The following VPS26B variants were observed in gnomAD, a reference collection of about 807,000 sequenced individuals.
The protein encoded by VPS26B is vacuolar protein sorting-associated protein 26B.
In VPS26B, 10 loss-of-function variants were observed where a neutral mutation model predicts 33.3. The observed-to-expected ratio is 0.30, with a 90% CI of 0.19 to 0.51. The LOEUF (loss-of-function observed/expected upper bound fraction) is 0.51, where lower values mean the gene tolerates loss of function less well. Among genes scored for constraint, VPS26B ranks in the 20% least tolerant of loss-of-function variants. The pLI is 0.98. For synonymous variants in VPS26B, 190 were observed against 176.9 expected (o/e 1.07, Z -0.59); for missense variants, 317 against 452.7 (o/e 0.70, Z 2.72).
chr11:134,225,569 G>A, intron 1 of VPS26B: 1 of 565,720 alleles, frequency 1.8e-6, no homozygotes, highest in Non-Finnish European at 3.2e-6. Flanking sequence ...GGACGGCGAG[G>A]GCGGGAGGAA....
chr11:134,229,051 A>G lies in VPS26B; in HGVS notation c.223+3706A>G, dbSNP rs559203867. On this transcript the variant is annotated intron_variant, in intron 1 of 5. Transcript: ENST00000281187. Reference sequence around the variant, plus strand: ...TTTTTTATTTAAAAAATTTTTTGAGACATGGTCTCACTCCGTCACCCAGGC... The same window carrying G: ...TTTTTTATTTAAAAAATTTTTTGAGGCATGGTCTCACTCCGTCACCCAGGC... Among the ~76,000 whole-genome samples, 165 of 152,140 alleles carry G rather than the reference A, an allele frequency of 1.1e-3. 2 individuals carry two copies. Among genetic ancestry groups the G allele is most frequent in the African/African-American group, 3.8e-3 (158 of 41,492 alleles).
intron 4 of VPS26B, chr11:134,243,623 C>A: frequency 3.8e-6 from 1 of 265,934 alleles, no homozygotes; most frequent in Non-Finnish European, 7.2e-6. Flanking sequence ...TCTGCTTCTT[C>A]CTGTTGACAT....
At chr11:134,225,756 C>T (rs527309653) in intron 1 of VPS26B, among the ~76,000 whole-genome samples, 103 of 152,320 alleles carry the variant, frequency 6.8e-4, no homozygotes, top group African/African-American at 2.3e-3. Flanking sequence ...TTTCCCATCG[C>T]CCGGCCATCT....
intron 2 of VPS26B, among the ~76,000 whole-genome samples, chr11:134,239,068 G>A (rs557127143): frequency 1.3e-5 from 2 of 152,318 alleles, no homozygotes; most frequent in African/African-American, 4.8e-5. Context: ...ACAGTGCTAA[G>A]TGCCGGGGAT....
At position 134,244,902 on chromosome 11, in the gene VPS26B, T is replaced by C. The variant is rs2136054436; in HGVS notation, c.722-36T>C. 1 of 1,603,032 alleles carries C rather than the reference T, an allele frequency of 6.2e-7. No homozygotes were observed. The highest frequency in any genetic ancestry group is 1.7e-5 in the Admixed American group (1 of 59,700). On this transcript the variant is annotated intron_variant, in intron 4 of 5. Transcript: ENST00000281187. This position sits in a 1 kb window ranked among gnomAD's most constrained non-coding sequence, Gnocchi z 4.0. ...CTGGTATAAGGGAGAGGGCATCACCTTGCCCCCTGTGCTGACTCCTGCCCT... is the reference window on the plus strand; with the variant it reads ...CTGGTATAAGGGAGAGGGCATCACCCTGCCCCCTGTGCTGACTCCTGCCCT...
At position 134,244,882 on chromosome 11, in the gene VPS26B, A is replaced by G; in HGVS notation, c.722-56A>G. The G allele has an allele frequency of 6.9e-6, 11 of 1,585,600 alleles. No homozygotes were observed. Among genetic ancestry groups the G allele is most frequent in the South Asian group, 2.3e-5 (2 of 87,570 alleles). ...TCTGCAGTGGTCAGAGTGACCTGGT[A>G]TAAGGGAGAGGGCATCACCTTGCCC... is the stretch of plus-strand genomic sequence containing the variant. On this transcript the variant is annotated intron_variant, in intron 4 of 5. Coordinates refer to ENST00000281187, the MANE Select transcript of VPS26B (RefSeq NM_052875.5). The surrounding 1 kb of genome is among the most constrained non-coding windows in gnomAD (Gnocchi z 4.0).
Position 134,234,956 on chromosome 11 carries a change from C to T in VPS26B, c.283C>T (p.Arg95Trp), listed in dbSNP as rs770181237. ...TGTGTCCCTGGTGAAGGACCTGGCC[C>T]GGCCTGGAGAGATCACCCAGTCGCA... ...EFVSLVKDLA[R>W]PGEITQSQAF... Residue 95 changes from arginine (R) to tryptophan (W), a missense_variant, in exon 2 of 6, where the codon CGG becomes TGG. Arg to Trp is a moderately radical substitution (Grantham distance 101, BLOSUM62 -3). Coordinates refer to ENST00000281187, the MANE Select transcript of VPS26B (RefSeq NM_052875.5). The T allele has an allele frequency of 8.1e-6, 13 of 1,613,982 alleles. No homozygotes were observed. Among genetic ancestry groups the T allele is most frequent in the African/African-American group, 2.7e-5 (2 of 74,904 alleles).
intron 2 of VPS26B, among the ~76,000 whole-genome samples, chr11:134,238,897 A>G (rs2136051084): frequency 6.6e-6 from 1 of 152,308 alleles, no homozygotes; most frequent in Admixed American, 6.5e-5. Flanking sequence ...GCCTGGCCAT[A>G]TCTTTATAAC....
rs1218693664 is a variant in VPS26B, at chr11:134,240,578, T to C, written c.545+423T>C. On this transcript the variant is annotated intron_variant, in intron 3 of 5. Transcript: ENST00000281187. This position sits in a 1 kb window ranked among gnomAD's most constrained non-coding sequence, Gnocchi z 4.4. Reference sequence around the variant, plus strand: ...AAGCGACGAAACCAAATATTGGCCATGATTTGCTGCTTCCTCCCTGAACTA... The same window carrying C: ...AAGCGACGAAACCAAATATTGGCCACGATTTGCTGCTTCCTCCCTGAACTA... 6.6e-6 allele frequency among the ~76,000 whole-genome samples: 1 copy of C among 152,192 alleles called. No individual in the cohort carries two copies. Among genetic ancestry groups the C allele is most frequent in the African/African-American group, 2.4e-5 (1 of 41,448 alleles).
At chr11:134,239,605 C>G in intron 2 of VPS26B, 1 of 206,026 alleles carries the variant, frequency 4.9e-6, no homozygotes, top group South Asian at 8.6e-5. Context: ...CAGGAGTTAG[C>G]TGATGAAATA....
At chr11:134,242,177 C>G (rs564851262) in intron 3 of VPS26B, among the ~76,000 whole-genome samples, 2 of 152,264 alleles carry the variant, frequency 1.3e-5, no homozygotes, top group African/African-American at 4.8e-5. Flanking sequence ...CAGGTGGTCT[C>G]CTGCTGCTTT....
At chr11:134,230,398 A>G (rs1938539910) in intron 1 of VPS26B, among the ~76,000 whole-genome samples, 1 of 152,152 alleles carries the variant, frequency 6.6e-6, no homozygotes, top group Non-Finnish European at 1.5e-5. Flanking sequence ...CCAGATAAGC[A>G]AGAGTTGTTT....
chr11:134,228,711 A>C (rs1436441827), intron 1 of VPS26B, among the ~76,000 whole-genome samples: 1 of 152,230 alleles, frequency 6.6e-6, no homozygotes, highest in East Asian at 1.9e-4. Flanking sequence ...GTTGTGAAGT[A>C]TTTGTGTCAT....
chr11:134,226,430 A>G (rs562087421), intron 1 of VPS26B, among the ~76,000 whole-genome samples: 4 of 152,280 alleles, frequency 2.6e-5, no homozygotes, highest in East Asian at 1.9e-4. Flanking sequence ...AAATAAACAA[A>G]TAAGAACTAG....
At chr11:134,231,684 C>A (rs1287665954) in intron 1 of VPS26B, among the ~76,000 whole-genome samples, 1 of 152,146 alleles carries the variant, frequency 6.6e-6, no homozygotes, top group Non-Finnish European at 1.5e-5. Flanking sequence ...CCTGCCTCAG[C>A]CTCCCGAGTA....
chr11:134,225,594 C>T, intron 1 of VPS26B: 1 of 522,928 alleles, frequency 1.9e-6, no homozygotes, highest in South Asian at 2.0e-5. Context: ...CCTGCTGTGC[C>T]TCGTGGGATG....
intron 2 of VPS26B, among the ~76,000 whole-genome samples, chr11:134,239,461 C>A (rs888342053): frequency 1.3e-5 from 2 of 152,244 alleles, no homozygotes; most frequent in African/African-American, 4.8e-5. Flanking sequence ...CTTAATTTCT[C>A]TCTTTCCTAG....
At chr11:134,227,658 C>G (rs112702306) in intron 1 of VPS26B, among the ~76,000 whole-genome samples, 3 of 152,172 alleles carry the variant, frequency 2.0e-5, no homozygotes, top group African/African-American at 7.2e-5. Context: ...CCTTGGCCAC[C>G]CTGCACTGAG....
chr11:134,232,945 G>C (rs1055513882), intron 1 of VPS26B, among the ~76,000 whole-genome samples: 3 of 152,142 alleles, frequency 2.0e-5, no homozygotes, highest in Admixed American at 2.0e-4. Context: ...CTCCGCTTCT[G>C]CCTGTCATAT....
Sources: allele counts gnomAD v4.1 joint callset (sites outside exome capture counted in the v4.1 genomes callset), GRCh38; gene constraint gnomAD v4.1.1; non-coding constraint Gnocchi (gnomAD v3.1); transcripts MANE v1.5; gene names NCBI Gene and HGNC (gene_info 2026-07-23, HGNC 2026-07-21).